Variants in SORCS1 observed in about 807,000 individuals in gnomAD.
SORCS1 encodes the protein VPS10 domain-containing receptor SorCS1.
A neutral mutation model predicts 146.1 loss-of-function variants in SORCS1; 60 were observed. That is an observed-to-expected ratio of 0.41 (90% CI 0.33 to 0.51). The LOEUF (loss-of-function observed/expected upper bound fraction) is 0.51, where lower values mean the gene tolerates loss of function less well. Among genes scored for constraint, SORCS1 ranks in the 20% least tolerant of loss-of-function variants. SORCS1 has a pLI of 0.21. For synonymous variants in SORCS1, 637 were observed against 584.0 expected (o/e 1.09, Z -1.31); for missense variants, 1,352 against 1,487.6 (o/e 0.91, Z 1.50).
intron 5 of SORCS1, among the ~76,000 whole-genome samples, chr10:106,751,454 A>G (rs907084263): frequency 2.0e-5 from 3 of 152,210 alleles, no homozygotes; most frequent in Non-Finnish European, 4.4e-5. Context: ...TCTGAAATGT[A>G]TCAAGACCTG....
intron 4 of SORCS1, among the ~76,000 whole-genome samples, chr10:106,766,604 T>C (rs2136291663): frequency 6.6e-6 from 1 of 152,246 alleles, no homozygotes; most frequent in Non-Finnish European, 1.5e-5. Context: ...TTAAAAGGAT[T>C]CCATAAACTT....
At chr10:106,717,971 A>G (rs1207378810) in intron 6 of SORCS1, among the ~76,000 whole-genome samples, 2 of 152,200 alleles carry the variant, frequency 1.3e-5, no homozygotes, top group Admixed American at 6.5e-5. Flanking sequence ...TTCATGGCCT[A>G]TTTAGTCCTC....
At chr10:107,148,911 T>G (rs1343816669) in intron 1 of SORCS1, among the ~76,000 whole-genome samples, 1 of 152,184 alleles carries the variant, frequency 6.6e-6, no homozygotes, top group Non-Finnish European at 1.5e-5. Flanking sequence ...TACCTAATTT[T>G]TGTCTTAAAA....
chr10:107,133,861 C>G (rs894847770), intron 1 of SORCS1, among the ~76,000 whole-genome samples: 5 of 152,228 alleles, frequency 3.3e-5, no homozygotes, highest in Non-Finnish European at 5.9e-5. Context: ...AGATTTTCTT[C>G]TGTCTTTTCT....
chr10:107,125,921 T>A (rs1436587072), intron 1 of SORCS1, among the ~76,000 whole-genome samples: 1 of 152,200 alleles, frequency 6.6e-6, no homozygotes, highest in Non-Finnish European at 1.5e-5. Context: ...ATGCTACCAA[T>A]GCTTGTAAAT....
chr10:106,793,464 C>A (rs1345753473), intron 3 of SORCS1, among the ~76,000 whole-genome samples: 1 of 152,060 alleles, frequency 6.6e-6, no homozygotes, highest in East Asian at 1.9e-4. Flanking sequence ...TATTCAGGGG[C>A]ATACATACAG....
the SORCS1 span, among the ~76,000 whole-genome samples, chr10:107,170,693 A>G: frequency 6.6e-6 from 1 of 152,230 alleles, no homozygotes. Flanking sequence ...GCACAGTTGG[A>G]CAGACATTAA....
intron 3 of SORCS1, among the ~76,000 whole-genome samples, chr10:106,808,861 G>A (rs1429938762): frequency 2.0e-5 from 3 of 152,076 alleles, no homozygotes; most frequent in Non-Finnish European, 4.4e-5. Flanking sequence ...CAAAACCAGA[G>A]GACTCCACTA....
intron 8 of SORCS1, among the ~76,000 whole-genome samples, chr10:106,704,492 C>T (rs1221677332): frequency 6.6e-6 from 1 of 152,154 alleles, no homozygotes; most frequent in African/African-American, 2.4e-5. Flanking sequence ...GAGTTCAAGA[C>T]CAGCCTGACC....
chr10:106,896,720 CT>C (rs928117188), intron 2 of SORCS1, among the ~76,000 whole-genome samples: 3 of 151,146 alleles, frequency 2.0e-5, no homozygotes, highest in African/African-American at 4.9e-5. Context: ...TCCCTGGAAA[CT>C]TTCCCCAACT....
At chr10:106,714,935 G>T (rs920508541) in intron 6 of SORCS1, among the ~76,000 whole-genome samples, 1 of 152,148 alleles carries the variant, frequency 6.6e-6, no homozygotes, top group Non-Finnish European at 1.5e-5. Context: ...CACAAGAAAA[G>T]CCCCGGAAGA....
At chr10:106,849,942 T>A (rs1949479247) in intron 2 of SORCS1, among the ~76,000 whole-genome samples, 1 of 152,132 alleles carries the variant, frequency 6.6e-6, no homozygotes, top group South Asian at 2.1e-4. Context: ...AGTCTGCCCG[T>A]TCTCAGATCT....
At position 106,850,863 on chromosome 10, in the gene SORCS1, C is replaced by T. The variant is rs530115829; in HGVS notation, c.627-21190G>A. On this transcript the variant is annotated intron_variant, in intron 2 of 25. Coordinates refer to ENST00000263054, the MANE Select transcript of SORCS1 (RefSeq NM_052918.5). ...TCTCCCCTGCCACCCACCACACACA[C>T]GCCCTACGGCCCTATTCTAGGCCTA... 3.0e-4 allele frequency among the ~76,000 whole-genome samples: 45 copies of T among 152,330 alleles called. No individual in the cohort carries two copies. The South Asian group carries it at 7.0e-3, about 24-fold the overall frequency.
intron 1 of SORCS1, among the ~76,000 whole-genome samples, chr10:107,026,929 G>C (rs1178401847): frequency 3.3e-5 from 5 of 151,204 alleles, no homozygotes; most frequent in Admixed American, 3.3e-4. Flanking sequence ...TGCTTAAAGG[G>C]ACTCTCTAAT....
chr10:107,055,441 T>C (rs926602808), intron 1 of SORCS1, among the ~76,000 whole-genome samples: 1 of 152,182 alleles, frequency 6.6e-6, no homozygotes, highest in Admixed American at 6.5e-5. Context: ...ATGACTTTGG[T>C]ACATTTTTAT....
At chr10:106,791,876 T>C (rs540186502) in intron 3 of SORCS1, among the ~76,000 whole-genome samples, 1 of 152,314 alleles carries the variant, frequency 6.6e-6, no homozygotes, top group South Asian at 2.1e-4. Flanking sequence ...TGTCAATATA[T>C]ACCACTTTCA....
chr10:106,871,902 T>TA (rs1189896968), intron 2 of SORCS1, among the ~76,000 whole-genome samples: 8 of 152,156 alleles, frequency 5.3e-5, no homozygotes, highest in East Asian at 3.9e-4. Flanking sequence ...AAATTAAAGT[T>TA]AAAAAAAACT....
chr10:106,823,201 G>T (rs7895531), intron 3 of SORCS1, among the ~76,000 whole-genome samples: 1 of 152,000 alleles, frequency 6.6e-6, no homozygotes, highest in South Asian at 2.1e-4. Context: ...TTGCTTGTCC[G>T]CCAAGGGAAT....
At chr10:107,145,745 T>C (rs1333399423) in intron 1 of SORCS1, among the ~76,000 whole-genome samples, 2 of 152,170 alleles carry the variant, frequency 1.3e-5, no homozygotes, top group Non-Finnish European at 1.5e-5. Flanking sequence ...ATACAGCAAG[T>C]TAGCAAGTGC....
Sources: allele counts gnomAD v4.1 joint callset (sites outside exome capture counted in the v4.1 genomes callset), GRCh38; gene constraint gnomAD v4.1.1; transcripts MANE v1.5; gene names NCBI Gene and HGNC (gene_info 2026-07-23, HGNC 2026-07-21).